The following TNIP3 variants were observed in gnomAD, a reference collection of about 807,000 sequenced individuals.
TNIP3 encodes TNFAIP3 interacting protein 3.
TNIP3 carries 34 observed loss-of-function variants against 54.1 expected under a neutral mutation model. The ratio of observed to expected loss-of-function variants is 0.63; its 90% CI spans 0.48 to 0.84. The LOEUF (loss-of-function observed/expected upper bound fraction) is 0.84. Ranked by LOEUF, TNIP3 falls within the 40% of genes least tolerant of loss-of-function variation. The pLI is 0.00. For missense variants in TNIP3, 366 were observed against 387.6 expected (o/e 0.94, Z 0.47); for synonymous variants, 134 against 136.8 (o/e 0.98, Z 0.14).
chr4:121,194,404 G>C (rs1016937517), intron 2 of TNIP3, among the ~76,000 whole-genome samples: 6 of 152,154 alleles, frequency 3.9e-5, no homozygotes, highest in Non-Finnish European at 8.8e-5. Flanking sequence ...TTTGCTCAAT[G>C]TAGAAATTAT....
Position 121,164,075 on chromosome 4 carries a change from A to G in TNIP3, c.51T>C (p.Ser17=), listed in dbSNP as rs778150813. The G allele has an allele frequency of 6.2e-7, 1 of 1,613,758 alleles. No homozygotes were observed. The highest frequency in any genetic ancestry group is 8.5e-7 in the Non-Finnish European group (1 of 1,179,748). ...ATGTTCTTACCTCTTTATGCTCCGTAGAACTTTCTGCGGCAATCATTCTAG... is the reference window on the plus strand; with the variant it reads ...ATGTTCTTACCTCTTTATGCTCCGTGGAACTTTCTGCGGCAATCATTCTAG... The part of the protein sequence containing the change: ...GTSRMIAAES[S]TEHKECAEPS... The change falls in exon 1 of 11, where the codon TCT becomes TCC. Residue 17 remains serine (S), a synonymous_variant. Transcript: ENST00000057513.
chr4:121,196,468 G>A (rs549648280), intron 2 of TNIP3, among the ~76,000 whole-genome samples: 35 of 152,142 alleles, frequency 2.3e-4, no homozygotes, highest in Admixed American at 5.2e-4. Context: ...AATTGGTATA[G>A]GAAGCAATTT....
At chr4:121,219,430 G>T (rs915077855), upstream of TNIP3, among the ~76,000 whole-genome samples, 18 of 152,218 alleles carry the variant, frequency 1.2e-4, no homozygotes, top group African/African-American at 4.1e-4. Context: ...CTCTGTTCTT[G>T]GATGCATTTC....
chr4:121,143,422 T>C (rs748464809), intron 7 of TNIP3, among the ~76,000 whole-genome samples: 13 of 152,226 alleles, frequency 8.5e-5, no homozygotes, highest in Non-Finnish European at 1.8e-4. Flanking sequence ...ATTCCTACAC[T>C]CCATGTCCCA....
At chr4:121,162,966 C>T (rs546621672) in intron 1 of TNIP3, among the ~76,000 whole-genome samples, 1 of 152,074 alleles carries the variant, frequency 6.6e-6, no homozygotes, top group Admixed American at 6.6e-5. Flanking sequence ...AGACAGTGTG[C>T]TTTTTGTTTG....
intron 10 of TNIP3, among the ~76,000 whole-genome samples, chr4:121,133,663 G>A (rs2148790665): frequency 6.6e-6 from 1 of 152,280 alleles, no homozygotes; most frequent in Admixed American, 6.5e-5. Context: ...TGGCCAATGA[G>A]ATAATCCACG....
chr4:121,144,953 G>A (rs1019002886), intron 7 of TNIP3, among the ~76,000 whole-genome samples: 8 of 152,134 alleles, frequency 5.3e-5, no homozygotes, highest in African/African-American at 1.2e-4. Flanking sequence ...ATTAGAGCAG[G>A]CAGGAACACC....
chr4:121,198,071 A>G (rs1725696155), intron 2 of TNIP3, among the ~76,000 whole-genome samples: 1 of 152,176 alleles, frequency 6.6e-6, no homozygotes, highest in Non-Finnish European at 1.5e-5. Context: ...GAGGATGCGG[A>G]TAATAGATGT....
At chr4:121,156,967 C>T (rs1328679358) in intron 4 of TNIP3, 127 bp downstream of exon 4, 3 of 1,242,164 alleles carry the variant, frequency 2.4e-6, no homozygotes, top group Non-Finnish European at 3.4e-6. Flanking sequence ...CCCATGCACC[C>T]TTGCACATCG....
intron 2 of TNIP3, among the ~76,000 whole-genome samples, chr4:121,186,023 C>A (rs1042553992): frequency 3.3e-5 from 5 of 152,198 alleles, no homozygotes; most frequent in Admixed American, 6.5e-5. Context: ...TGGGGCCCTG[C>A]GTCCTCTCAC....
chr4:121,192,562 A>C (rs1042792421), intron 2 of TNIP3, among the ~76,000 whole-genome samples: 1 of 152,172 alleles, frequency 6.6e-6, no homozygotes, highest in Non-Finnish European at 1.5e-5. Context: ...TCGAGCTTTA[A>C]AACAGTTCAT....
At chr4:121,222,756 G>A (rs1484278637) in intron 1 of TNIP3, among the ~76,000 whole-genome samples, 1 of 147,084 alleles carries the variant, frequency 6.8e-6, no homozygotes, top group Admixed American at 6.8e-5. Context: ...ATTGTTGGTT[G>A]TTCTGCTGAA....
At chr4:121,163,292 G>A (rs887688363) in intron 1 of TNIP3, among the ~76,000 whole-genome samples, 5 of 152,046 alleles carry the variant, frequency 3.3e-5, no homozygotes, top group Non-Finnish European at 4.4e-5. Flanking sequence ...AAAATAAAGC[G>A]AAATTAATCA....
intron 10 of TNIP3, chr4:121,137,801 T>A (rs1175298226): frequency 5.3e-6 from 2 of 373,852 alleles, no homozygotes; most frequent in Non-Finnish European, 1.1e-5. Context: ...ATCTTCAGCA[T>A]TTTTAGATAG....
At chr4:121,144,233 A>G (rs1309956376) in intron 7 of TNIP3, among the ~76,000 whole-genome samples, 1 of 152,220 alleles carries the variant, frequency 6.6e-6, no homozygotes, top group Non-Finnish European at 1.5e-5. Context: ...AATGCCTTGC[A>G]AAAAGAAAGC....
At chr4:121,146,466 G>A (rs568252749) in intron 7 of TNIP3, among the ~76,000 whole-genome samples, 2 of 152,088 alleles carry the variant, frequency 1.3e-5, no homozygotes, top group South Asian at 2.1e-4. Context: ...TTTACCCATC[G>A]TGGCAACTTC....
At chr4:121,157,282 C>G (rs1325226938) in intron 3 of TNIP3, 39 bp from the exon 4 acceptor site, 2 of 1,613,622 alleles carry the variant, frequency 1.2e-6, no homozygotes, top group Admixed American at 3.3e-5. Context: ...GATACCTTCT[C>G]TGAAGCTCAC....
At chr4:121,161,934 T>C (rs1409608201) in intron 1 of TNIP3, among the ~76,000 whole-genome samples, 1 of 152,198 alleles carries the variant, frequency 6.6e-6, no homozygotes, top group Non-Finnish European at 1.5e-5. Flanking sequence ...CTAAGAACAA[T>C]ATTTACTTAA....
intron 4 of TNIP3, 150 bp downstream of exon 4, chr4:121,156,944 G>A (rs1297709294): frequency 2.2e-6 from 2 of 904,654 alleles, no homozygotes; most frequent in Non-Finnish European, 3.3e-6. Flanking sequence ...ATGGCTCTTG[G>A]GGACTTGCGT....
Sources: allele counts gnomAD v4.1 joint callset (sites outside exome capture counted in the v4.1 genomes callset), GRCh38; gene constraint gnomAD v4.1.1; transcripts MANE v1.5; gene names NCBI Gene and HGNC (gene_info 2026-07-23, HGNC 2026-07-21).